MCPH1: variants seen among roughly 807,000 people sequenced by gnomAD.
The protein encoded by MCPH1 is microcephalin 1.
Under a neutral mutation model 84.5 loss-of-function variants are expected in MCPH1, and 104 were observed. The ratio of observed to expected loss-of-function variants is 1.23; its 90% CI spans 1.05 to 1.45. MCPH1 has a LOEUF of 1.45. MCPH1 is among the 40% of genes most tolerant of loss of function. The pLI is 0.00. For missense variants in MCPH1, 1,498 were observed against 1,005.7 expected (o/e 1.49, Z -6.62); for synonymous variants, 514 against 366.8 (o/e 1.40, Z -4.58).
At chr8:6,514,007 A>G (rs1444916282) in intron 12 of MCPH1, among the ~76,000 whole-genome samples, 1 of 152,202 alleles carries the variant, frequency 6.6e-6, no homozygotes, top group African/African-American at 2.4e-5. Context: ...TGGATTTTAA[A>G]TAGGTCAGTT....
intron 3 of MCPH1, among the ~76,000 whole-genome samples, chr8:6,419,322 C>A (rs1799816849): frequency 6.6e-6 from 1 of 152,078 alleles, no homozygotes; most frequent in South Asian, 2.1e-4. Context: ...AAGGCTCAAT[C>A]AGTCCTCTCA....
At chr8:6,488,008 A>G (rs1039060225) in intron 11 of MCPH1, among the ~76,000 whole-genome samples, 2 of 152,254 alleles carry the variant, frequency 1.3e-5, no homozygotes, top group African/African-American at 2.4e-5. Flanking sequence ...TCTCCAGGAC[A>G]CCTAATTTAT....
intron 12 of MCPH1, among the ~76,000 whole-genome samples, chr8:6,558,890 A>C (rs559185951): frequency 6.6e-6 from 1 of 152,300 alleles, no homozygotes; most frequent in Non-Finnish European, 1.5e-5. Flanking sequence ...ATATCATACT[A>C]TACATATACA....
At chr8:6,638,409 T>C (rs537823525) in intron 13 of MCPH1, among the ~76,000 whole-genome samples, 122 of 152,262 alleles carry the variant, frequency 8.0e-4, no homozygotes, top group African/African-American at 2.8e-3. Context: ...ATGCTGGCAA[T>C]CGCAGTTTTA....
At chr8:6,630,789 A>G (rs1300321358) in intron 13 of MCPH1, among the ~76,000 whole-genome samples, 1 of 131,214 alleles carries the variant, frequency 7.6e-6, no homozygotes, top group Non-Finnish European at 1.7e-5. Flanking sequence ...CCTAAAAAAA[A>G]AAAACAAAAA....
At chr8:6,600,066 C>T (rs1045057167) in intron 12 of MCPH1, among the ~76,000 whole-genome samples, 16 of 152,328 alleles carry the variant, frequency 1.1e-4, no homozygotes, top group South Asian at 2.1e-4. Flanking sequence ...GTTAATAGTT[C>T]GCTTCATGCT....
intron 13 of MCPH1, chr8:6,626,271 C>T (rs1832064568): frequency 3.0e-6 from 3 of 985,284 alleles, no homozygotes; most frequent in Non-Finnish European, 2.4e-6. Context: ...AAATGTAAGC[C>T]ACGCCTCACT....
chr8:6,633,783 A>C (rs1797336447), intron 13 of MCPH1, among the ~76,000 whole-genome samples: 1 of 152,224 alleles, frequency 6.6e-6, no homozygotes, highest in Non-Finnish European at 1.5e-5. Flanking sequence ...AACTCCATGC[A>C]TTACTCACTG....
At chr8:6,601,008 T>C (rs912614140) in intron 12 of MCPH1, among the ~76,000 whole-genome samples, 7 of 152,042 alleles carry the variant, frequency 4.6e-5, no homozygotes, top group Admixed American at 3.9e-4. Flanking sequence ...AGGGAGGAAA[T>C]AGGGACTGGA....
At chr8:6,587,515 T>A (rs1483005685) in intron 12 of MCPH1, among the ~76,000 whole-genome samples, 1 of 152,234 alleles carries the variant, frequency 6.6e-6, no homozygotes, top group African/African-American at 2.4e-5. Flanking sequence ...TCTCGTCTGG[T>A]GATTGCTGGA....
intron 11 of MCPH1, among the ~76,000 whole-genome samples, chr8:6,487,463 T>C (rs1452649394): frequency 6.6e-6 from 1 of 152,258 alleles, no homozygotes; most frequent in East Asian, 1.9e-4. Context: ...GAACCAGAAC[T>C]GGAATCTCAG....
chr8:6,502,272 T>C (rs1812335547), intron 12 of MCPH1: 1 of 152,154 alleles, frequency 6.6e-6, no homozygotes, highest in Non-Finnish European at 1.5e-5. Flanking sequence ...GTAAATATTA[T>C]CATAAAAGTT....
At chr8:6,549,484 G>T (rs1183147938) in intron 12 of MCPH1, among the ~76,000 whole-genome samples, 3 of 152,220 alleles carry the variant, frequency 2.0e-5, no homozygotes, top group African/African-American at 7.2e-5. Context: ...GAAGCCACGT[G>T]CAGGGTGGGA....
At chr8:6,638,269 T>A (rs548213209) in intron 13 of MCPH1, among the ~76,000 whole-genome samples, 1 of 152,338 alleles carries the variant, frequency 6.6e-6, no homozygotes, top group South Asian at 2.1e-4. Flanking sequence ...GGCAATTCCT[T>A]ACCAGAGTGG....
chr8:6,454,277 C>A (rs1023227216), intron 8 of MCPH1, among the ~76,000 whole-genome samples: 1 of 152,144 alleles, frequency 6.6e-6, no homozygotes, highest in African/African-American at 2.4e-5. Flanking sequence ...AGATGATTAG[C>A]TATTTGTTAA....
chr8:6,580,472 T>C (rs545378574), intron 12 of MCPH1, among the ~76,000 whole-genome samples: 8 of 152,162 alleles, frequency 5.3e-5, no homozygotes, highest in Admixed American at 2.0e-4. Context: ...CTGGCCAACA[T>C]AGTGAAACCC....
At chr8:6,562,919 A>C in intron 12 of MCPH1, 1 of 1,590,536 alleles carries the variant, frequency 6.3e-7, no homozygotes, top group Non-Finnish European at 8.6e-7. Flanking sequence ...AGAGTAAAGA[A>C]AACAATCTGC....
At chr8:6,437,729 G>A (rs75036874) in intron 5 of MCPH1, among the ~76,000 whole-genome samples, 1,671 of 152,238 alleles carry the variant, frequency 0.011, 13 homozygotes, top group Non-Finnish European at 0.018. Flanking sequence ...AGCCAGAAAC[G>A]TGCAATCGTC....
intron 12 of MCPH1, among the ~76,000 whole-genome samples, chr8:6,541,718 G>A (rs1166371513): frequency 1.3e-5 from 2 of 152,124 alleles, no homozygotes; most frequent in Non-Finnish European, 2.9e-5. Flanking sequence ...TGTACTGAAT[G>A]TAGGGCCGGG....
Sources: gnomAD v4.1 joint callset for allele counts (sites outside exome capture counted in the v4.1 genomes callset) on GRCh38, gnomAD v4.1.1 for gene constraint, MANE v1.5 for transcripts, NCBI Gene and HGNC (gene_info 2026-07-23, HGNC 2026-07-21) for gene names.